Variants in PKNOX2 observed in about 807,000 individuals in gnomAD.
PKNOX2 encodes homeobox protein PKNOX2.
PKNOX2 carries 14 observed loss-of-function variants against 53.1 expected under a neutral mutation model. The ratio of observed to expected loss-of-function variants is 0.26; its 90% confidence interval spans 0.17 to 0.41. The LOEUF (loss-of-function observed/expected upper bound fraction) is 0.41, where lower values mean the gene tolerates loss of function less well. PKNOX2 is among the 10% of genes least tolerant of loss of function. The pLI is 1.00. For synonymous variants in PKNOX2, 257 were observed against 242.8 expected (o/e 1.06, Z -0.54); for missense variants, 496 against 602.8 (o/e 0.82, Z 1.85).
intron 4 of PKNOX2, among the ~76,000 whole-genome samples, chr11:125,359,816 C>G (rs757678992): frequency 6.6e-6 from 1 of 152,208 alleles, no homozygotes; most frequent in Non-Finnish European, 1.5e-5. Flanking sequence ...CCTCCTGGGG[C>G]TGGCTGGCAC....
chr11:125,200,151 A>T (rs1938271637), intron 1 of PKNOX2, among the ~76,000 whole-genome samples: 1 of 152,176 alleles, frequency 6.6e-6, no homozygotes, highest in African/African-American at 2.4e-5. Context: ...TTTCCCCCAG[A>T]TGGTAACCGG....
intron 1 of PKNOX2, among the ~76,000 whole-genome samples, chr11:125,194,806 A>T (rs1399749621): frequency 6.6e-6 from 1 of 152,172 alleles, no homozygotes; most frequent in East Asian, 1.9e-4. Flanking sequence ...TTGAGCACCT[A>T]CTATATGCCA....
At chr11:125,299,331 C>T (rs1292915826) in intron 2 of PKNOX2, among the ~76,000 whole-genome samples, 2 of 152,152 alleles carry the variant, frequency 1.3e-5, no homozygotes, top group African/African-American at 4.8e-5. Flanking sequence ...GACAAACATC[C>T]AAACTAGGTC....
At chr11:125,168,768 C>T (rs936219574) in intron 1 of PKNOX2, among the ~76,000 whole-genome samples, 23 of 152,204 alleles carry the variant, frequency 1.5e-4, no homozygotes, top group African/African-American at 5.3e-4. Flanking sequence ...GCAACGTAAA[C>T]AGCAGCAGAG....
chr11:125,348,544 C>T (rs778202456), intron 3 of PKNOX2, among the ~76,000 whole-genome samples: 5 of 152,198 alleles, frequency 3.3e-5, no homozygotes, highest in Non-Finnish European at 5.9e-5. Context: ...GGCCCTGCTC[C>T]GCAGCCTGGT....
At chr11:125,392,789 AAGG>A (rs1350839561) in intron 6 of PKNOX2, among the ~76,000 whole-genome samples, 1 of 152,152 alleles carries the variant, frequency 6.6e-6, no homozygotes, top group Non-Finnish European at 1.5e-5. Context: ...AAAGGAAAGA[AAGG>A]AGGGAGGAAA....
At chr11:125,299,446 G>A (rs530852277) in intron 2 of PKNOX2, among the ~76,000 whole-genome samples, 30 of 152,134 alleles carry the variant, frequency 2.0e-4, no homozygotes, top group East Asian at 7.8e-4. Flanking sequence ...CAGCTGTCTC[G>A]GTGGAGAAAT....
chr11:125,167,478 C>T (rs1954976600), intron 1 of PKNOX2, among the ~76,000 whole-genome samples: 1 of 152,122 alleles, frequency 6.6e-6, no homozygotes, highest in African/African-American at 2.4e-5. Flanking sequence ...CGTGACCCCA[C>T]GGAGACTCCC....
At chr11:125,287,179 G>A (rs1207706462) in intron 2 of PKNOX2, among the ~76,000 whole-genome samples, 1 of 152,212 alleles carries the variant, frequency 6.6e-6, no homozygotes, top group Non-Finnish European at 1.5e-5. Flanking sequence ...GCACAAAGAG[G>A]TTCCTCAGCT....
intron 10 of PKNOX2, among the ~76,000 whole-genome samples, chr11:125,423,059 C>CAT (rs1293247876): frequency 6.6e-6 from 1 of 151,654 alleles, no homozygotes. Context: ...CACACACACA[C>CAT]ACATATGTAT....
chr11:125,237,210 C>A (rs553133575), intron 2 of PKNOX2, among the ~76,000 whole-genome samples: 1 of 152,190 alleles, frequency 6.6e-6, no homozygotes, highest in Non-Finnish European at 1.5e-5. Flanking sequence ...CACAATATGG[C>A]AGCTTGATTC....
At chr11:125,275,432 T>C (rs1400778210) in intron 2 of PKNOX2, among the ~76,000 whole-genome samples, 1 of 152,064 alleles carries the variant, frequency 6.6e-6, no homozygotes, top group East Asian at 1.9e-4. Context: ...CACAAAGGCA[T>C]TTGGGTCTTA....
intron 1 of PKNOX2, among the ~76,000 whole-genome samples, chr11:125,195,408 A>G (rs1250646711): frequency 6.6e-6 from 1 of 152,110 alleles, no homozygotes; most frequent in Non-Finnish European, 1.5e-5. Context: ...GAACATGAGG[A>G]TGGCTTGGAG....
Position 125,352,620 on chromosome 11 carries a change from A to T in PKNOX2, c.87+1228A>T, listed in dbSNP as rs781697425. Among the ~76,000 whole-genome samples the T allele has an allele frequency of 1.3e-5, 2 of 152,204 alleles. No homozygotes were observed. The highest frequency in any genetic ancestry group is 2.9e-5 in the Non-Finnish European group (2 of 68,036). On this transcript the variant is annotated intron_variant, in intron 4 of 12. Transcript: ENST00000298282. The surrounding 1 kb of genome is among the most constrained non-coding windows in gnomAD (Gnocchi z 4.1). ...CATCATTGTCATCCTCTGGGAGATT[A>T]CCAGATGCTGTGGGGCTTCTTTCTA...
chr11:125,298,926 T>G (rs191580153), intron 2 of PKNOX2, among the ~76,000 whole-genome samples: 1 of 152,306 alleles, frequency 6.6e-6, no homozygotes, highest in East Asian at 1.9e-4. Context: ...TCAAGCCCTG[T>G]GTTAGGCTAT....
chr11:125,175,467 T>C (rs1311060383), intron 1 of PKNOX2, among the ~76,000 whole-genome samples: 1 of 152,198 alleles, frequency 6.6e-6, no homozygotes, highest in Non-Finnish European at 1.5e-5. Flanking sequence ...CCCTGAGCTC[T>C]GTGATTTCTA....
chr11:125,208,815 T>C (rs973456319), intron 1 of PKNOX2, among the ~76,000 whole-genome samples: 27 of 151,928 alleles, frequency 1.8e-4, no homozygotes, highest in African/African-American at 6.0e-4. Context: ...GATGAGCAGG[T>C]TCAGGGAGCG....
At chr11:125,386,200 G>A (rs1953618029) in intron 6 of PKNOX2, among the ~76,000 whole-genome samples, 1 of 152,216 alleles carries the variant, frequency 6.6e-6, no homozygotes, top group Admixed American at 6.5e-5. Context: ...GAGGAGACCA[G>A]TGGAGGACCT....
At chr11:125,212,811 T>C (rs1457021226) in intron 1 of PKNOX2, among the ~76,000 whole-genome samples, 1 of 151,976 alleles carries the variant, frequency 6.6e-6, no homozygotes, top group Non-Finnish European at 1.5e-5. Context: ...CCACATCCTT[T>C]GTTTATTTGT....
Sources: gnomAD v4.1 joint callset for allele counts (sites outside exome capture counted in the v4.1 genomes callset) on GRCh38, gnomAD v4.1.1 for gene constraint, Gnocchi (gnomAD v3.1) non-coding constraint, MANE v1.5 for transcripts, NCBI Gene and HGNC (gene_info 2026-07-23, HGNC 2026-07-21) for gene names.